ECM2: variants seen among roughly 807,000 people sequenced by gnomAD.
The protein encoded by ECM2 is extracellular matrix protein 2.
In ECM2, 57 loss-of-function variants were observed where a neutral mutation model predicts 67.5. The observed-to-expected ratio is 0.84, with a 90% CI of 0.68 to 1.05. ECM2 has a LOEUF of 1.05. ECM2 is among the 50% of genes least tolerant of loss of function. The probability of loss-of-function intolerance (pLI) is 0.00; values close to 1 mark genes in which losing one functional copy is unlikely to be tolerated. For synonymous variants in ECM2, 258 were observed against 294.5 expected (o/e 0.88, Z 1.27); for missense variants, 741 against 822.8 (o/e 0.90, Z 1.22).
At chr9:92,557,675 G>T in the ECM2 span, among the ~76,000 whole-genome samples, 2 of 152,058 alleles carry the variant, frequency 1.3e-5, no homozygotes, top group African/African-American at 4.8e-5. Context: ...ACAGAGTCTT[G>T]CTCTGTCGCC....
At chr9:92,500,123 C>G (rs1245898798) in intron 9 of ECM2, among the ~76,000 whole-genome samples, 1 of 152,154 alleles carries the variant, frequency 6.6e-6, no homozygotes, top group African/African-American at 2.4e-5. Flanking sequence ...GTAACATAAT[C>G]TATTGCTTTG....
At chr9:92,510,656 G>A (rs1186846292) in intron 5 of ECM2, among the ~76,000 whole-genome samples, 1 of 152,182 alleles carries the variant, frequency 6.6e-6, no homozygotes, top group Non-Finnish European at 1.5e-5. Flanking sequence ...CCACAAGTGG[G>A]GACCTGTGGT....
the ECM2 span, among the ~76,000 whole-genome samples, chr9:92,557,795 A>G: frequency 6.6e-6 from 1 of 152,014 alleles, no homozygotes; most frequent in Non-Finnish European, 1.5e-5. Context: ...AGTATGCACC[A>G]CCACGCCCGA....
chr9:92,551,755 C>T, the ECM2 span, among the ~76,000 whole-genome samples: 1 of 151,640 alleles, frequency 6.6e-6, no homozygotes, highest in African/African-American at 2.4e-5. Flanking sequence ...TCCCACATAT[C>T]AGTGAGAACA....
chr9:92,534,724 A>G (rs1172443578), intron 1 of ECM2, among the ~76,000 whole-genome samples: 1 of 152,238 alleles, frequency 6.6e-6, no homozygotes, highest in South Asian at 2.1e-4. Flanking sequence ...AGCAGGGGAA[A>G]GCAATATGAA....
chr9:92,502,418 C>A, intron 8 of ECM2, 95 bp downstream of exon 8: 1 of 1,454,478 alleles, frequency 6.9e-7, no homozygotes, highest in Non-Finnish European at 9.5e-7. Context: ...ATCGTCACCT[C>A]CCTCACTTAT....
At chr9:92,533,312 A>ATAT (rs1848932745) in intron 1 of ECM2, among the ~76,000 whole-genome samples, 1 of 88,682 alleles carries the variant, frequency 1.1e-5, no homozygotes, top group African/African-American at 4.7e-5. Flanking sequence ...ACAAAAAAAA[A>ATAT]AAAAAAAAAA....
At chr9:92,522,507 T>C in intron 2 of ECM2, 68 bp downstream of exon 2, 3 of 1,413,908 alleles carry the variant, frequency 2.1e-6, no homozygotes, top group Non-Finnish European at 2.8e-6. Flanking sequence ...CCCTCTCTCC[T>C]TCTCTTTCCC....
intron 5 of ECM2, 39 bp from the exon 6 acceptor site, chr9:92,510,073 C>A: frequency 6.4e-7 from 1 of 1,567,940 alleles, no homozygotes; most frequent in Non-Finnish European, 8.6e-7. Flanking sequence ...TTTATCTAGT[C>A]ACAGCTGTGC....
chr9:92,502,798 A>T, intron 7 of ECM2, 146 bp from the exon 8 acceptor site: 3 of 606,942 alleles, frequency 4.9e-6, no homozygotes, highest in South Asian at 3.0e-5. Context: ...CATATTTTTA[A>T]GTTGTCTTTT....
Position 92,514,869 on chromosome 9 carries a change from C to T in ECM2, c.816G>A (p.Glu272=), listed in dbSNP as rs754052269. The change falls in exon 4 of 10, where the codon GAG becomes GAA. Residue 272 remains glutamate, a synonymous_variant. Transcript: ENST00000344604. ...HQQQRQGREE[E]EDEEEEGEEG... is the part of the protein sequence containing the mutation. ...CCTCACCCTCCTCCTCCTCATCCTC[C>T]TCCTCCTCCCTTCCTTGGCGTTGTT... 2 of 1,613,140 alleles carry T rather than the reference C, an allele frequency of 1.2e-6. No individual in the cohort carries two copies. The highest frequency in any genetic ancestry group is 1.3e-5 in the African/African-American group (1 of 74,896).
chr9:92,500,462 C>T (rs1200929593), intron 9 of ECM2, among the ~76,000 whole-genome samples: 6 of 151,110 alleles, frequency 4.0e-5, no homozygotes, highest in Non-Finnish European at 7.4e-5. Context: ...GAATTACAGG[C>T]GTGAGCCACT....
chr9:92,548,433 C>A, the ECM2 span, among the ~76,000 whole-genome samples: 1 of 152,160 alleles, frequency 6.6e-6, no homozygotes, highest in Non-Finnish European at 1.5e-5. Flanking sequence ...TTGTCCACCC[C>A]ATACTTGCCA....
chr9:92,538,785 A>AT (rs1406892148), upstream of ECM2, among the ~76,000 whole-genome samples: 9 of 152,220 alleles, frequency 5.9e-5, no homozygotes, highest in African/African-American at 2.2e-4. Flanking sequence ...GGAATGTGGT[A>AT]TTGGTCACCA....
Position 92,509,974 on chromosome 9 carries a change from G to A in ECM2, c.1231C>T (p.Gln411Ter). The change falls in exon 6 of 10, where the codon CAA becomes TAA. Residue 411 changes from glutamine (Q) to a stop codon, truncating the protein, a stop_gained. Transcript: ENST00000344604. LOFTEE classifies it high-confidence loss of function. ...AGTTCTTCTAATGTAGATGGCAATT[G>A]TGAAGGAATCTGTATCAAATTATTT... Reference protein sequence around the residue: ...DGNNLIQIPSQLPSTLEELKV... With the variant: ...DGNNLIQIPS 2 of 1,610,728 alleles carry A rather than the reference G, an allele frequency of 1.2e-6. No homozygotes were observed. The highest frequency in any genetic ancestry group is 4.5e-5 in the East Asian group (2 of 44,828).
At chr9:92,506,029 G>A (rs1846985998) in intron 6 of ECM2, among the ~76,000 whole-genome samples, 1 of 152,200 alleles carries the variant, frequency 6.6e-6, no homozygotes, top group Non-Finnish European at 1.5e-5. Context: ...AGAAATTGTG[G>A]TGGCTGAACA....
Position 92,514,863 on chromosome 9 carries a change from A to ATCCTCC in ECM2, c.816_821dup (p.Glu272_Glu273dup). ...CACCCTCCTCACCCTCCTCCTCCTC[A>ATCCTCC]TCCTCCTCCTCCTCCCTTCCTTGGC... On this transcript the variant is annotated inframe_insertion, in exon 4 of 10. Coordinates refer to ENST00000344604, the MANE Select transcript of ECM2 (RefSeq NM_001393.4). 1 of 1,608,214 alleles carries ATCCTCC rather than the reference A, an allele frequency of 6.2e-7. No individual in the cohort carries two copies. Among genetic ancestry groups the ATCCTCC allele is most frequent in the Non-Finnish European group, 8.5e-7 (1 of 1,176,656 alleles).
At chr9:92,528,026 T>A in intron 1 of ECM2, 1 of 152,460 alleles carries the variant, frequency 6.6e-6, no homozygotes, top group Middle Eastern at 6.0e-4. Context: ...TTTTGGAGAG[T>A]CTGTGAAGTT....
chr9:92,517,793 G>C lies in ECM2; in HGVS notation c.375C>G (p.Leu125=), dbSNP rs1218455561. The change falls in exon 3 of 10, where the codon CTC becomes CTG. Residue 125 remains leucine, a synonymous_variant. Coordinates refer to ENST00000344604, the MANE Select transcript of ECM2 (RefSeq NM_001393.4). ...CACAAAGAACTCTTCCATCTGAGCAGAGGCAGGTAGTGCAGGGCTCAGGCG... is the reference window on the plus strand; with the variant it reads ...CACAAAGAACTCTTCCATCTGAGCACAGGCAGGTAGTGCAGGGCTCAGGCG... ...VWSPEPCTTC[L]CSDGRVLCDE... 6.2e-7 allele frequency: 1 copy of C among 1,614,242 alleles called. No individual in the cohort carries two copies. The highest frequency in any genetic ancestry group is 1.7e-5 in the Admixed American group (1 of 60,034).
Sources: allele counts gnomAD v4.1 joint callset (sites outside exome capture counted in the v4.1 genomes callset), GRCh38; gene constraint gnomAD v4.1.1; transcripts MANE v1.5; gene names NCBI Gene and HGNC (gene_info 2026-07-23, HGNC 2026-07-21).